The following EIF4B variants were observed in gnomAD, a reference collection of about 807,000 sequenced individuals.
The protein encoded by EIF4B is eukaryotic translation initiation factor 4B.
A neutral mutation model predicts 79.3 loss-of-function variants in EIF4B; 8 were observed. That is an observed-to-expected ratio of 0.10 (90% confidence interval 0.06 to 0.18). The LOEUF is 0.18. EIF4B is among the 10% of genes least tolerant of loss of function. The pLI, the probability that EIF4B is intolerant of heterozygous loss-of-function variation, is 1.00. For missense variants in EIF4B, 515 were observed against 792.4 expected (o/e 0.65, Z 4.20); for synonymous variants, 238 against 274.7 (o/e 0.87, Z 1.32).
At chr12:53,019,450 C>CTTTTT (rs71095966) in intron 3 of EIF4B, among the ~76,000 whole-genome samples, 40 of 66,000 alleles carry the variant, frequency 6.1e-4, no homozygotes, top group East Asian at 1.3e-3. Flanking sequence ...TTTTTTTTTT[C>CTTTTT]TTTTTTTTTT....
intron 5 of EIF4B, 113 bp from the exon 6 acceptor site, chr12:53,022,380 C>T: frequency 6.9e-7 from 1 of 1,450,552 alleles, no homozygotes; most frequent in Non-Finnish European, 9.6e-7. Context: ...ACTGGGATGA[C>T]AGTGTGACGT....
Position 53,019,147 on chromosome 12 carries a change from C to G in EIF4B, c.360+141C>G, listed in dbSNP as rs181072089. Reference sequence around the variant, plus strand: ...GGAATGGTGGCTCACGCCTGTAATCCCAGCACTCTGGGAGTCTGAGGCGGG... The same window carrying G: ...GGAATGGTGGCTCACGCCTGTAATCGCAGCACTCTGGGAGTCTGAGGCGGG... On this transcript the variant is annotated intron_variant, in intron 3 of 14. Coordinates refer to ENST00000262056, the MANE Select transcript of EIF4B (RefSeq NM_001417.7). 108 of 1,061,744 alleles carry G rather than the reference C, an allele frequency of 1.0e-4. 1 individual carries two copies. The East Asian group carries it at 2.7e-3, about 27-fold the overall frequency. 65.8% of individuals were successfully genotyped at this position (1,061,744 alleles called of 1,614,324 possible).
intron 1 of EIF4B, 140 bp from the exon 2 acceptor site, chr12:53,016,333 T>C: frequency 8.8e-7 from 1 of 1,131,132 alleles, no homozygotes. Flanking sequence ...ATAGTACCCC[T>C]TCATGGAAAT....
chr12:53,017,133 A>G (rs1312503408), intron 2 of EIF4B, among the ~76,000 whole-genome samples: 2 of 151,996 alleles, frequency 1.3e-5, no homozygotes, highest in Non-Finnish European at 2.9e-5. Context: ...TGTGCCTGTA[A>G]TTTCAGCTAC....
intron 3 of EIF4B, among the ~76,000 whole-genome samples, 153 bp from the exon 4 acceptor site, chr12:53,019,757 A>C (rs569866783): frequency 6.6e-6 from 1 of 150,458 alleles, no homozygotes; most frequent in African/African-American, 2.4e-5. Context: ...AGTTTCTACT[A>C]TCCCTCTGCA....
chr12:53,017,803 G>A (rs1022248540), intron 2 of EIF4B, among the ~76,000 whole-genome samples: 3 of 152,094 alleles, frequency 2.0e-5, no homozygotes, highest in Non-Finnish European at 4.4e-5. Context: ...ATTTTGGCCA[G>A]GCTGGTCTTG....
At chr12:53,011,089 C>A (rs1943056646) in intron 1 of EIF4B, among the ~76,000 whole-genome samples, 1 of 152,070 alleles carries the variant, frequency 6.6e-6, no homozygotes, top group Non-Finnish European at 1.5e-5. Context: ...CATAGTGAGA[C>A]CACGTCTCTA....
intron 9 of EIF4B, 125 bp downstream of exon 9, chr12:53,034,159 T>G: frequency 1.0e-6 from 1 of 955,636 alleles, no homozygotes; most frequent in Non-Finnish European, 1.6e-6. Context: ...GATGGGCATT[T>G]AGTGGGCTGT....
chr12:53,025,340 T>TA, intron 6 of EIF4B: 1 of 439,664 alleles, frequency 2.3e-6, no homozygotes, highest in East Asian at 7.0e-5. Context: ...GCAGAATGGA[T>TA]AACGAGTGAG....
chr12:53,010,752 T>C (rs1371520683), intron 1 of EIF4B, among the ~76,000 whole-genome samples: 5 of 152,030 alleles, frequency 3.3e-5, no homozygotes, highest in Non-Finnish European at 2.9e-5. Flanking sequence ...GTTCAAGCGG[T>C]TCTAGAGATG....
intron 6 of EIF4B, 149 bp from the exon 7 acceptor site, chr12:53,027,633 C>T (rs1943359259): frequency 1.3e-5 from 17 of 1,348,672 alleles, no homozygotes; most frequent in Non-Finnish European, 1.7e-5. Flanking sequence ...ATTAGCTGAG[C>T]AACAATTATT....
chr12:53,022,391 G>A, intron 5 of EIF4B, 102 bp from the exon 6 acceptor site: 1 of 1,533,932 alleles, frequency 6.5e-7, no homozygotes, highest in Non-Finnish European at 9.0e-7. Context: ...AGTGTGACGT[G>A]AAAGTGAAAA....
In EIF4B at chr12:53,027,763, A is replaced by T; in HGVS notation, c.668-19A>T. 6.2e-7 allele frequency: 1 copy of T among 1,607,822 alleles called. No individual in the cohort carries two copies. The highest frequency in any genetic ancestry group is 8.5e-7 in the Non-Finnish European group (1 of 1,176,022). On this transcript the variant is annotated intron_variant, in intron 6 of 14. Transcript: ENST00000262056. Reference sequence around the variant, plus strand: ...GTGTCAGAGAAAAGGGGATGGTGTTACTTGTCTGTTTCCTCTAGAGTATCG... The same window carrying T: ...GTGTCAGAGAAAAGGGGATGGTGTTTCTTGTCTGTTTCCTCTAGAGTATCG...
At chr12:53,035,374 T>TATTTA (rs1555154127) in intron 10 of EIF4B, among the ~76,000 whole-genome samples, 5 of 133,880 alleles carry the variant, frequency 3.7e-5, no homozygotes, top group Admixed American at 7.7e-5. Context: ...TTTATTTATT[T>TATTTA]TCTTTTTTTT....
rs1389586513 is a variant in EIF4B, at chr12:53,040,772, A to G, written c.*549A>G. The G allele has an allele frequency of 5.5e-5, 8 of 146,768 alleles. No homozygotes were observed. Among genetic ancestry groups the G allele is most frequent in the Non-Finnish European group, 6.0e-5 (4 of 67,194 alleles). 9.1% of individuals were successfully genotyped at this position (146,768 alleles called of 1,614,324 possible). ...TATTTAATTCTGAGTTTTGGGGGCC[A>G]GCCTAGAGGGAATTCCTTTTTTTTT... On this transcript the variant is annotated 3_prime_UTR_variant, in exon 15 of 15. Transcript: ENST00000262056.
At chr12:53,011,631 G>A (rs1943064858) in intron 1 of EIF4B, among the ~76,000 whole-genome samples, 1 of 152,196 alleles carries the variant, frequency 6.6e-6, no homozygotes, top group South Asian at 2.1e-4. Flanking sequence ...CTGAGATAGA[G>A]AAACTCTGAG....
At chr12:53,015,776 A>G (rs925565592) in intron 1 of EIF4B, among the ~76,000 whole-genome samples, 1 of 152,044 alleles carries the variant, frequency 6.6e-6, no homozygotes, top group African/African-American at 2.4e-5. Flanking sequence ...TAGGAGTTCA[A>G]GACCAGCCTG....
chr12:53,027,136 A>ATTTTTTTTTTTTTTTTTTTTTTTTTTT lies in EIF4B; in HGVS notation c.668-646_668-645insTTTTTTTTTTTTTTTTTTTTTTTTTTT, dbSNP rs777111413. On this transcript the variant is annotated intron_variant, in intron 6 of 14. Coordinates refer to ENST00000262056, the MANE Select transcript of EIF4B (RefSeq NM_001417.7). ...GAGACTGTCTCTCAAAAAAAAAAAAAATTTTTTTTTTTTTTTTTTTTGAGA... is the reference window on the plus strand; with the variant it reads ...GAGACTGTCTCTCAAAAAAAAAAAAATTTTTTTTTTTTTTTTTTTTTTTTTTTATTTTTTTTTTTTTTTTTTTTGAGA... 2.7e-4 allele frequency among the ~76,000 whole-genome samples: 8 copies of ATTTTTTTTTTTTTTTTTTTTTTTTTTT among 29,494 alleles called. 3 individuals are homozygous for ATTTTTTTTTTTTTTTTTTTTTTTTTTT. Among genetic ancestry groups the ATTTTTTTTTTTTTTTTTTTTTTTTTTT allele is most frequent in the South Asian group, 1.5e-3 (1 of 678 alleles). 19.3% of individuals were successfully genotyped at this position (29,494 alleles called of 152,430 possible). A position where few individuals can be genotyped will look rare whatever the true frequency, so the allele number is the denominator to read the frequency against.
At chr12:53,022,740 A>C in intron 6 of EIF4B, 113 bp downstream of exon 6, 1 of 1,320,138 alleles carries the variant, frequency 7.6e-7, no homozygotes, top group Non-Finnish European at 9.9e-7. Flanking sequence ...GGAGGAAAGC[A>C]GATTAAGAAA....
Sources: gnomAD v4.1 joint callset for allele counts (sites outside exome capture counted in the v4.1 genomes callset) on GRCh38, gnomAD v4.1.1 for gene constraint, MANE v1.5 for transcripts, NCBI Gene and HGNC (gene_info 2026-07-23, HGNC 2026-07-21) for gene names.